TMEM266: variants seen among roughly 807,000 people sequenced by gnomAD.
The protein encoded by TMEM266 is Hv1 related protein 1.
In TMEM266, 33 loss-of-function variants were observed where a neutral mutation model predicts 50.5. The observed-to-expected ratio is 0.65, with a 90% CI of 0.50 to 0.87. The LOEUF (loss-of-function observed/expected upper bound fraction) is 0.87, where lower values mean the gene tolerates loss of function less well. TMEM266 is among the 40% of genes least tolerant of loss of function. The probability of loss-of-function intolerance (pLI) is 0.00; values close to 1 mark genes in which losing one functional copy is unlikely to be tolerated. For synonymous variants in TMEM266, 310 were observed against 292.3 expected (o/e 1.06, Z -0.62); for missense variants, 655 against 695.1 (o/e 0.94, Z 0.65).
chr15:76,073,691 GA>G (rs1242368341), intron 1 of TMEM266, among the ~76,000 whole-genome samples: 1 of 152,242 alleles, frequency 6.6e-6, no homozygotes, highest in African/African-American at 2.4e-5. Flanking sequence ...TAGTATATCT[GA>G]AACCCTTAAT....
At chr15:76,136,140 A>C (rs11637449) in intron 2 of TMEM266, among the ~76,000 whole-genome samples, 1 of 152,118 alleles carries the variant, frequency 6.6e-6, no homozygotes, top group African/African-American at 2.4e-5. Context: ...AGACGGTTTC[A>C]CCATGCTGGT....
chr15:76,144,909 T>C (rs1484765971), intron 3 of TMEM266, among the ~76,000 whole-genome samples: 1 of 152,224 alleles, frequency 6.6e-6, no homozygotes, highest in East Asian at 1.9e-4. Flanking sequence ...TTCTCCTTCA[T>C]GCCTCATACT....
intron 1 of TMEM266, among the ~76,000 whole-genome samples, chr15:76,074,397 A>G (rs1375052597): frequency 6.6e-6 from 1 of 151,966 alleles, no homozygotes; most frequent in Non-Finnish European, 1.5e-5. Context: ...TCGCCTTGCA[A>G]AGTCAAAATT....
chr15:76,071,350 G>A (rs2036536933), intron 1 of TMEM266, among the ~76,000 whole-genome samples: 1 of 152,184 alleles, frequency 6.6e-6, no homozygotes, highest in African/African-American at 2.4e-5. Context: ...ACAGACTGGT[G>A]AACTGTTCTG....
chr15:76,119,260 C>T (rs910173501), intron 1 of TMEM266, among the ~76,000 whole-genome samples: 1 of 151,896 alleles, frequency 6.6e-6, no homozygotes, highest in Non-Finnish European at 1.5e-5. Flanking sequence ...TTAAGCCTGC[C>T]ATATTTGTAC....
chr15:76,062,928 C>G (rs2036332176), intron 1 of TMEM266, among the ~76,000 whole-genome samples: 7 of 152,190 alleles, frequency 4.6e-5, no homozygotes, highest in Admixed American at 4.6e-4. Flanking sequence ...ACTCACATGT[C>G]TGTGGTGACT....
In TMEM266 at chr15:76,153,636, C is replaced by T. The variant is rs115735894; in HGVS notation, c.228-2968C>T. On this transcript the variant is annotated intron_variant, in intron 3 of 10. Coordinates refer to ENST00000388942, the MANE Select transcript of TMEM266 (RefSeq NM_152335.3). The surrounding 1 kb of genome is among the most constrained non-coding windows in gnomAD (Gnocchi z 4.2). The stretch of plus-strand genomic sequence containing the variant: ...AGCAGGCAGAGGGCAGGAGGGGAAC[C>T]GGCTTCCGGGGGCGCTGAGGCGGCT... Among the ~76,000 whole-genome samples the T allele has an allele frequency of 8.7e-3, 1,324 of 152,114 alleles. 16 individuals carry two copies. Among genetic ancestry groups the T allele is most frequent in the African/African-American group, 0.031 (1,267 of 41,472 alleles).
At chr15:76,121,813 C>T (rs2037351305) in intron 1 of TMEM266, among the ~76,000 whole-genome samples, 1 of 152,232 alleles carries the variant, frequency 6.6e-6, no homozygotes, top group African/African-American at 2.4e-5. Context: ...AAGTTTACAG[C>T]TCACAAAACA....
chr15:76,073,824 G>A (rs1011848793), intron 1 of TMEM266, among the ~76,000 whole-genome samples: 2 of 152,238 alleles, frequency 1.3e-5, no homozygotes, highest in Non-Finnish European at 2.9e-5. Flanking sequence ...TGATTGGCCT[G>A]TGTCAGACAG....
intron 4 of TMEM266, among the ~76,000 whole-genome samples, chr15:76,158,481 C>T (rs532446846): frequency 2.2e-4 from 33 of 152,260 alleles, no homozygotes; most frequent in South Asian, 1.5e-3. Flanking sequence ...TCGGGGCCCT[C>T]GGCTGCTCGG....
rs115018140 is a variant in TMEM266, at chr15:76,168,420, C to T, written c.457-1396C>T. ...TGGGTGATGATCCTCCAGGCAGCTT[C>T]GCAGAGTTCAGAAGGCTAGGCTTGT... On this transcript the variant is annotated intron_variant, in intron 5 of 10. Transcript: ENST00000388942. This position sits in a 1 kb window ranked among gnomAD's most constrained non-coding sequence, Gnocchi z 4.4. 4.2e-3 allele frequency among the ~76,000 whole-genome samples: 639 copies of T among 152,320 alleles called. 4 individuals carry two copies. Among genetic ancestry groups the T allele is most frequent in the African/African-American group, 0.015 (607 of 41,566 alleles).
chr15:76,204,490 C>G lies in TMEM266; in HGVS notation c.*175C>G. Reference sequence around the variant, plus strand: ...CCAGGAGGCCACAAGCTTCAGACCTCAAAGCCCAGAGCTGGCGCCTCTTCT... The same window carrying G: ...CCAGGAGGCCACAAGCTTCAGACCTGAAAGCCCAGAGCTGGCGCCTCTTCT... On this transcript the variant is annotated 3_prime_UTR_variant, in exon 11 of 11. Coordinates refer to ENST00000388942, the MANE Select transcript of TMEM266 (RefSeq NM_152335.3). The G allele has an allele frequency of 1.7e-6, 1 of 577,050 alleles. No individual in the cohort carries two copies. Among genetic ancestry groups the G allele is most frequent in the South Asian group, 2.8e-5 (1 of 35,656 alleles). 35.7% of individuals were successfully genotyped at this position (577,050 alleles called of 1,614,324 possible).
chr15:76,067,815 C>T (rs755384776), intron 1 of TMEM266, among the ~76,000 whole-genome samples: 30 of 150,910 alleles, frequency 2.0e-4, no homozygotes, highest in South Asian at 2.1e-4. Context: ...AAGTACTTGT[C>T]GGCCTTTGAC....
At chr15:76,093,008 A>G (rs2036871387) in intron 1 of TMEM266, among the ~76,000 whole-genome samples, 2 of 151,196 alleles carry the variant, frequency 1.3e-5, no homozygotes, top group South Asian at 4.2e-4. Context: ...GGGTTTCACC[A>G]TATTGGTCAG....
At position 76,165,927 on chromosome 15, in the gene TMEM266, G is replaced by A. The variant is rs571789162; in HGVS notation, c.457-3889G>A. On this transcript the variant is annotated intron_variant, in intron 5 of 10. Transcript: ENST00000388942. ...TCGCCTCACACATCCCTGCGGTTCC[G>A]TCGGGTGCTCCGGGGGAGTTTGTTT... 7.7e-4 allele frequency among the ~76,000 whole-genome samples: 118 copies of A among 152,268 alleles called. 1 individual carries two copies. The highest frequency in any genetic ancestry group is 5.6e-3 in the South Asian group (27 of 4,828).
intron 3 of TMEM266, among the ~76,000 whole-genome samples, chr15:76,147,640 A>G (rs191865237): frequency 3.3e-5 from 5 of 152,348 alleles, no homozygotes; most frequent in Admixed American, 2.0e-4. Context: ...AACGGAATAA[A>G]AGTTTAATTT....
chr15:76,158,342 A>C (rs1404435382), intron 4 of TMEM266, among the ~76,000 whole-genome samples: 1 of 152,218 alleles, frequency 6.6e-6, no homozygotes, highest in Non-Finnish European at 1.5e-5. Flanking sequence ...AGTGACCGGT[A>C]CTGGTTTTAC....
At chr15:76,125,563 T>TG (rs372788304) in intron 1 of TMEM266, among the ~76,000 whole-genome samples, 105 of 150,944 alleles carry the variant, frequency 7.0e-4, no homozygotes, top group African/African-American at 2.5e-3. Context: ...TAAAAAAAAA[T>TG]GGGGCTGGGC....
In TMEM266 at chr15:76,169,859, A is replaced by G. The variant is rs781729675; in HGVS notation, c.500A>G (p.Glu167Gly). 1.9e-6 allele frequency: 3 copies of G among 1,613,642 alleles called. No homozygotes were observed. The highest frequency in any genetic ancestry group is 2.5e-6 in the Non-Finnish European group (3 of 1,179,826). ...GTGCTTGGGATCTGGGATTACATCGAAAACAAAATAGAGGTAAAGACCAAT... is the reference window on the plus strand; with the variant it reads ...GTGCTTGGGATCTGGGATTACATCGGAAACAAAATAGAGGTAAAGACCAAT... Residue 167 changes from glutamate (E) to glycine (G), a missense_variant, in exon 6 of 11, where the codon GAA (glutamate) becomes GGA (glycine). This residue lies in a region of TMEM266 where 101 missense variants were observed against 182.6 expected (regional missense o/e 0.55). Coordinates refer to ENST00000388942, the MANE Select transcript of TMEM266 (RefSeq NM_152335.3).
Sources: gnomAD v4.1 joint callset for allele counts (sites outside exome capture counted in the v4.1 genomes callset) on GRCh38, gnomAD v4.1.1 for gene constraint, gnomAD v4.1.1 regional missense constraint, Gnocchi (gnomAD v3.1) non-coding constraint, MANE v1.5 for transcripts, NCBI Gene and HGNC (gene_info 2026-07-23, HGNC 2026-07-21) for gene names.